The following PHACTR2 variants were observed in gnomAD, a reference collection of about 807,000 sequenced individuals.
PHACTR2 encodes phosphatase and actin regulator 2.
A neutral mutation model predicts 76.0 loss-of-function variants in PHACTR2; 30 were observed. The observed-to-expected ratio is 0.39, with a 90% CI of 0.30 to 0.54. The LOEUF is 0.54. PHACTR2 is among the 20% of genes least tolerant of loss of function. The probability of loss-of-function intolerance (pLI) is 0.61; values close to 1 mark genes in which losing one functional copy is unlikely to be tolerated. For synonymous variants in PHACTR2, 292 were observed against 292.5 expected (o/e 1.00, Z 0.02); for missense variants, 696 against 781.1 (o/e 0.89, Z 1.30).
rs1323256970 is a variant in PHACTR2, at chr6:143,591,472, A to G, written c.217+54265A>G. On this transcript the variant is annotated intron_variant, in intron 1 of 11. Coordinates refer to the PHACTR2 transcript ENST00000367584. The surrounding 1 kb of genome is among the most constrained non-coding windows in gnomAD (Gnocchi z 6.4). Reference sequence around the variant, plus strand: ...TGTTACAGGAGCAGAGAAAGAGCATATGAGACCAGGAGGGACTAAGGTGGT... The same window carrying G: ...TGTTACAGGAGCAGAGAAAGAGCATGTGAGACCAGGAGGGACTAAGGTGGT... Among the ~76,000 whole-genome samples, 2 of 152,226 alleles carry G rather than the reference A, an allele frequency of 1.3e-5. No individual in the cohort carries two copies.
chr6:143,724,882 A>G (rs1778524548), intron 2 of PHACTR2, among the ~76,000 whole-genome samples: 1 of 152,310 alleles, frequency 6.6e-6, no homozygotes, highest in African/African-American at 2.4e-5. Flanking sequence ...AAATGTATGT[A>G]TTCATTCTGA....
chr6:143,577,358 A>C (rs1243689284), intron 1 of PHACTR2, among the ~76,000 whole-genome samples: 1 of 152,222 alleles, frequency 6.6e-6, no homozygotes, highest in Non-Finnish European at 1.5e-5. Context: ...AGGGAAATAA[A>C]ATTATGATCC....
Position 143,731,864 on chromosome 6 carries a change from A to G in PHACTR2, c.215-17121A>G, listed in dbSNP as rs1245277288. ...TATGGACCTGAAGATTTCTCTTTTG[A>G]AAGATTTAAATAGCATATTCAATTT... On this transcript the variant is annotated intron_variant, in intron 2 of 12. Coordinates refer to ENST00000440869, the MANE Select transcript of PHACTR2 (RefSeq NM_001100164.2). This position sits in a 1 kb window ranked among gnomAD's most constrained non-coding sequence, Gnocchi z 4.9. Among the ~76,000 whole-genome samples, 2 of 152,218 alleles carry G rather than the reference A, an allele frequency of 1.3e-5. No homozygotes were observed. Among genetic ancestry groups the G allele is most frequent in the Admixed American group, 6.5e-5 (1 of 15,284 alleles).
intron 1 of PHACTR2, among the ~76,000 whole-genome samples, chr6:143,666,534 C>A (rs557223495): frequency 1.3e-5 from 2 of 152,338 alleles, no homozygotes; most frequent in Non-Finnish European, 2.9e-5. Context: ...ACCTCTCCAG[C>A]ATCAGTTGTT....
rs1218576555 is a variant in PHACTR2 at position 143,539,368 on chromosome 6, A to G, written c.217+2161A>G. Reference sequence around the variant, plus strand: ...GAACTGAGCCTCGGATCCCTTTAAGAGCAGACTAAATGTGATCAGGAGCTC... The same window carrying G: ...GAACTGAGCCTCGGATCCCTTTAAGGGCAGACTAAATGTGATCAGGAGCTC... On this transcript the variant is annotated intron_variant, in intron 1 of 11. Transcript: ENST00000367584. The surrounding 1 kb of genome is among the most constrained non-coding windows in gnomAD (Gnocchi z 4.3). 1.3e-5 allele frequency among the ~76,000 whole-genome samples: 2 copies of G among 152,166 alleles called. No homozygotes were observed. The highest frequency in any genetic ancestry group is 2.9e-5 in the Non-Finnish European group (2 of 68,036).
At chr6:143,736,644 G>A (rs1364031680) in intron 2 of PHACTR2, among the ~76,000 whole-genome samples, 4 of 125,264 alleles carry the variant, frequency 3.2e-5, no homozygotes, top group Non-Finnish European at 4.7e-5. Flanking sequence ...GCAAGATCTC[G>A]GCTCACTGCA....
rs1778677134 is a variant in PHACTR2, at chr6:143,730,562, T to G, written c.214+18379T>G. ...TTTCTACATGGACAATTATGTCATC[T>G]GTGAATGGGAATCATTTTATTTCTT... On this transcript the variant is annotated intron_variant, in intron 2 of 12. Transcript: ENST00000440869. The surrounding 1 kb of genome is among the most constrained non-coding windows in gnomAD (Gnocchi z 4.8). Among the ~76,000 whole-genome samples the G allele has an allele frequency of 1.3e-5, 2 of 152,264 alleles. No individual in the cohort carries two copies.
At chr6:143,635,824 T>C (rs1287798591) in intron 1 of PHACTR2, among the ~76,000 whole-genome samples, 1 of 152,184 alleles carries the variant, frequency 6.6e-6, no homozygotes, top group African/African-American at 2.4e-5. Flanking sequence ...TGTATGTAAA[T>C]AAGAAAGCTT....
Position 143,591,527 on chromosome 6 carries a change from A to G in PHACTR2, c.217+54320A>G, listed in dbSNP as rs145727600. Among the ~76,000 whole-genome samples the G allele has an allele frequency of 1.1e-4, 17 of 152,298 alleles. No homozygotes were observed. Among genetic ancestry groups the G allele is most frequent in the African/African-American group, 3.8e-4 (16 of 41,576 alleles). ...TCCCAGCCAGGGGTTATGTGTTTCC[A>G]AGAGCAGCATGAACACAGCCCAGAG... is the stretch of plus-strand genomic sequence containing the variant. On this transcript the variant is annotated intron_variant, in intron 1 of 11. Coordinates refer to the PHACTR2 transcript ENST00000367584. This position sits in a 1 kb window ranked among gnomAD's most constrained non-coding sequence, Gnocchi z 6.4.
rs1189791910 is a variant in PHACTR2 at position 143,793,467 on chromosome 6, G to A, written c.1845+4557G>A. Among the ~76,000 whole-genome samples, 1 of 151,990 alleles carries A rather than the reference G, an allele frequency of 6.6e-6. No homozygotes were observed. Among genetic ancestry groups the A allele is most frequent in the Non-Finnish European group, 1.5e-5 (1 of 68,022 alleles). ...ACTGCCCCTCTCTCCTCACACATGG[G>A]CCTCATTTTCTCCCTCTGACAGTAT... On this transcript the variant is annotated intron_variant, in intron 11 of 12. Coordinates refer to ENST00000440869, the MANE Select transcript of PHACTR2 (RefSeq NM_001100164.2). The surrounding 1 kb of genome is among the most constrained non-coding windows in gnomAD (Gnocchi z 4.4).
In PHACTR2 at chr6:143,753,914, T is replaced by G. The variant is rs1421157709; in HGVS notation, c.454+2T>G. ...AGGAACAGGCAGAAGATAAGAAAGG[T>G]AAAATAAAGACAAACCCATATTATT... is the stretch of plus-strand genomic sequence containing the variant. On this transcript the variant is annotated splice_donor_variant, in intron 4 of 12. Coordinates refer to ENST00000440869, the MANE Select transcript of PHACTR2 (RefSeq NM_001100164.2). LOFTEE classifies it high-confidence loss of function. This position sits in a 1 kb window ranked among gnomAD's most constrained non-coding sequence, Gnocchi z 4.6. 1.9e-6 allele frequency: 3 copies of G among 1,594,718 alleles called. No individual in the cohort carries two copies. The African/African-American group carries it at 4.1e-5, about 22-fold the overall frequency.
intron 2 of PHACTR2, among the ~76,000 whole-genome samples, chr6:143,734,471 A>G (rs1330959387): frequency 6.6e-6 from 1 of 151,970 alleles, no homozygotes; most frequent in Non-Finnish European, 1.5e-5. Context: ...TTCCAGGGGG[A>G]GTTAGGTTTT....
At chr6:143,804,206 G>A (rs1776018221) in intron 11 of PHACTR2, among the ~76,000 whole-genome samples, 1 of 152,180 alleles carries the variant, frequency 6.6e-6, no homozygotes. Context: ...TTCCAAGACA[G>A]CTTCTTCACT....
chr6:143,667,400 T>A (rs574954936), intron 1 of PHACTR2, among the ~76,000 whole-genome samples: 49 of 152,328 alleles, frequency 3.2e-4, no homozygotes, highest in Non-Finnish European at 5.6e-4. Context: ...AGTAGTTTTT[T>A]AAAAATTCTT....
chr6:143,545,236 C>T (rs1774962585), intron 1 of PHACTR2, among the ~76,000 whole-genome samples: 1 of 152,156 alleles, frequency 6.6e-6, no homozygotes, highest in Non-Finnish European at 1.5e-5. Context: ...TAAGCCACTG[C>T]TCCTGGCCTG....
Position 143,738,335 on chromosome 6 carries a change from G to A in PHACTR2, c.215-10650G>A, listed in dbSNP as rs1778866142. On this transcript the variant is annotated intron_variant, in intron 2 of 12. Coordinates refer to ENST00000440869, the MANE Select transcript of PHACTR2 (RefSeq NM_001100164.2). The surrounding 1 kb of genome is among the most constrained non-coding windows in gnomAD (Gnocchi z 4.0). ...ACTGCACTCCAGCCTGGGCGACAGA[G>A]GGAGACTCCATCTCAAAACAAAACA... Among the ~76,000 whole-genome samples, 1 of 151,962 alleles carries A rather than the reference G, an allele frequency of 6.6e-6. No homozygotes were observed. The highest frequency in any genetic ancestry group is 2.1e-4 in the South Asian group (1 of 4,808).
chr6:143,575,530 G>A (rs550297376), intron 1 of PHACTR2, among the ~76,000 whole-genome samples: 7 of 152,270 alleles, frequency 4.6e-5, no homozygotes, highest in East Asian at 3.9e-4. Flanking sequence ...GTTTTACCGT[G>A]TGGACACTAG....
Position 143,621,066 on chromosome 6 carries a change from G to C in PHACTR2, c.13+12744G>C, listed in dbSNP as rs1198177960. ...GCAGGTGGGCAGCAGATGGGGGACA[G>C]TGCAAACCTCCAGGAAAAGAACAAG... On this transcript the variant is annotated intron_variant, in intron 1 of 11. Coordinates refer to the PHACTR2 transcript ENST00000305766. The surrounding 1 kb of genome is among the most constrained non-coding windows in gnomAD (Gnocchi z 4.1). Among the ~76,000 whole-genome samples, 1 of 152,242 alleles carries C rather than the reference G, an allele frequency of 6.6e-6. No individual in the cohort carries two copies. The highest frequency in any genetic ancestry group is 1.9e-4 in the East Asian group (1 of 5,194).
At chr6:143,669,777 A>T (rs1301940791) in intron 1 of PHACTR2, among the ~76,000 whole-genome samples, 4 of 151,636 alleles carry the variant, frequency 2.6e-5, no homozygotes, top group Non-Finnish European at 1.5e-5. Context: ...GTATCTTTGC[A>T]CACTGATAAG....
Sources: allele counts gnomAD v4.1 joint callset (sites outside exome capture counted in the v4.1 genomes callset), GRCh38; gene constraint gnomAD v4.1.1; non-coding constraint Gnocchi (gnomAD v3.1); transcripts MANE v1.5; gene names NCBI Gene and HGNC (gene_info 2026-07-23, HGNC 2026-07-21).